TTC28: variants seen among roughly 807,000 people sequenced by gnomAD.
TTC28 encodes the protein tetratricopeptide repeat protein 28.
Under a neutral mutation model 198.0 loss-of-function variants are expected in TTC28, and 61 were observed. That is an observed-to-expected ratio of 0.31 (90% CI 0.25 to 0.38). TTC28 has a LOEUF of 0.38. Among genes scored for constraint, TTC28 ranks in the 10% least tolerant of loss-of-function variants. The pLI is 1.00. For synonymous variants in TTC28, 1,171 were observed against 1,297.8 expected (o/e 0.90, Z 2.10); for missense variants, 2,678 against 3,164.0 (o/e 0.85, Z 3.69).
intron 2 of TTC28, among the ~76,000 whole-genome samples, chr22:28,560,883 A>C (rs1021672597): frequency 3.3e-5 from 5 of 151,158 alleles, no homozygotes; most frequent in African/African-American, 1.2e-4. Context: ...CAGCCTCCCA[A>C]GTAGCTGGGA....
chr22:28,489,063 T>C (rs777463750), intron 2 of TTC28, among the ~76,000 whole-genome samples: 24 of 152,142 alleles, frequency 1.6e-4, no homozygotes, highest in Non-Finnish European at 2.9e-4. Flanking sequence ...GGGAAAGGAA[T>C]GCTTGAAGCC....
chr22:28,650,346 T>C (rs982760477), intron 1 of TTC28, among the ~76,000 whole-genome samples: 1 of 152,106 alleles, frequency 6.6e-6, no homozygotes, highest in South Asian at 2.1e-4. Context: ...TGTACAAAAA[T>C]AGAAAATAGC....
intron 2 of TTC28, among the ~76,000 whole-genome samples, chr22:28,307,098 T>C (rs2045161746): frequency 6.6e-6 from 1 of 152,166 alleles, no homozygotes; most frequent in South Asian, 2.1e-4. Context: ...CAAATGAGTG[T>C]GTGATTACTT....
At chr22:28,640,846 T>C (rs536272940) in intron 1 of TTC28, among the ~76,000 whole-genome samples, 24 of 152,278 alleles carry the variant, frequency 1.6e-4, no homozygotes, top group African/African-American at 4.8e-4. Flanking sequence ...TACTATATGA[T>C]CCAGCAATTC....
rs914539236 is a variant in TTC28 at position 27,978,597 on chromosome 22, C to T, written c.*3624G>A. ...AGGATGAGGACAGCGTGGGTGACAC[C>T]TTTGTCTCCTGCTAAAACCCAGCAA... is the stretch of plus-strand genomic sequence containing the variant. On this transcript the variant is annotated 3_prime_UTR_variant, in exon 23 of 23. Coordinates refer to ENST00000397906, the MANE Select transcript of TTC28 (RefSeq NM_001145418.2). 1 of 152,212 alleles carries T rather than the reference C, an allele frequency of 6.6e-6. No individual in the cohort carries two copies. Among genetic ancestry groups the T allele is most frequent in the African/African-American group, 2.4e-5 (1 of 41,434 alleles). 9.4% of individuals were successfully genotyped at this position (152,212 alleles called of 1,614,324 possible).
chr22:28,376,289 C>G (rs2046407806), intron 2 of TTC28, among the ~76,000 whole-genome samples: 1 of 152,068 alleles, frequency 6.6e-6, no homozygotes, highest in Non-Finnish European at 1.5e-5. Flanking sequence ...CTTTTTTGTG[C>G]CAACAATATA....
At chr22:28,135,480 G>C (rs960317394) in intron 6 of TTC28, among the ~76,000 whole-genome samples, 6 of 152,154 alleles carry the variant, frequency 3.9e-5, no homozygotes, top group Non-Finnish European at 5.9e-5. Context: ...AGTTTTAGAA[G>C]GCAAGTAAAG....
chr22:28,561,539 C>T (rs1367660476), intron 2 of TTC28, among the ~76,000 whole-genome samples: 2 of 152,194 alleles, frequency 1.3e-5, no homozygotes, highest in Non-Finnish European at 2.9e-5. Context: ...GTGTCTAGAA[C>T]AGCACTTGAC....
chr22:28,627,668 G>A (rs1030893191), intron 2 of TTC28, among the ~76,000 whole-genome samples: 8 of 152,058 alleles, frequency 5.3e-5, no homozygotes, highest in Non-Finnish European at 1.5e-5. Flanking sequence ...CTGACCTCAG[G>A]TGATCCGCCT....
intron 5 of TTC28, among the ~76,000 whole-genome samples, chr22:28,269,524 G>A (rs1931910903): frequency 6.6e-6 from 1 of 152,118 alleles, no homozygotes; most frequent in South Asian, 2.1e-4. Context: ...TACCAGTACT[G>A]ACTTCTATAA....
rs1601617554 is a variant in TTC28, at chr22:28,099,038, T to C, written c.3424A>G (p.Arg1142Gly). The part of the protein sequence containing the change: ...NLEEAQHQLY[R>G]ASALFETIRH... ...ATTGTTTCAAACAAGGCTGATGCCC[T>C]ATAAAGCTGCAAGGAGGGAGGAAGA... Residue 1142 changes from arginine (R) to glycine (G), a missense_variant, in exon 10 of 23, where the codon AGG becomes GGG. By Grantham distance (125) the Arg-to-Gly change is moderately radical. Around this residue, in one of 8 missense-constraint regions of TTC28, gnomAD observed 727 missense variants for 861.9 expected, o/e 0.84. Coordinates refer to ENST00000397906, the MANE Select transcript of TTC28 (RefSeq NM_001145418.2). The C allele has an allele frequency of 5.2e-6, 8 of 1,551,854 alleles. No homozygotes were observed. The highest frequency in any genetic ancestry group is 2.0e-5 in the Admixed American group (1 of 50,982).
At chr22:28,389,147 T>C (rs1483680245) in intron 2 of TTC28, among the ~76,000 whole-genome samples, 1 of 152,238 alleles carries the variant, frequency 6.6e-6, no homozygotes, top group African/African-American at 2.4e-5. Context: ...ATTACATTTA[T>C]TGATTTGCGT....
chr22:28,174,970 T>G (rs1248068262), intron 5 of TTC28, among the ~76,000 whole-genome samples: 1 of 151,268 alleles, frequency 6.6e-6, no homozygotes, highest in Non-Finnish European at 1.5e-5. Context: ...CATGTACCTA[T>G]AGCCAACTGA....
chr22:28,361,654 A>C (rs1266877097), intron 2 of TTC28, among the ~76,000 whole-genome samples: 1 of 152,258 alleles, frequency 6.6e-6, no homozygotes, highest in East Asian at 1.9e-4. Flanking sequence ...AGGTGGCTAC[A>C]CCAAGCAATA....
At chr22:28,495,595 A>G (rs2048443786) in intron 2 of TTC28, among the ~76,000 whole-genome samples, 1 of 151,100 alleles carries the variant, frequency 6.6e-6, no homozygotes, top group South Asian at 2.1e-4. Context: ...AAAAACAATA[A>G]AGAAACTATG....
At chr22:28,287,958 T>C (rs921358495) in intron 5 of TTC28, among the ~76,000 whole-genome samples, 1 of 152,178 alleles carries the variant, frequency 6.6e-6, no homozygotes, top group African/African-American at 2.4e-5. Context: ...ACAGCACTTT[T>C]TCAAGGAGTA....
intron 2 of TTC28, among the ~76,000 whole-genome samples, chr22:28,399,317 GTTTTT>G (rs695621): frequency 0.012 from 1,446 of 121,968 alleles, 49 homozygotes; most frequent in African/African-American, 0.042. Flanking sequence ...GACTAAAACT[GTTTTT>G]TTTTTTTTTT....
intron 2 of TTC28, among the ~76,000 whole-genome samples, chr22:28,598,730 G>A (rs868353778): frequency 1.3e-5 from 2 of 151,982 alleles, no homozygotes; most frequent in African/African-American, 4.8e-5. Flanking sequence ...TATCCATTTG[G>A]GGTATAGGAA....
intron 2 of TTC28, among the ~76,000 whole-genome samples, chr22:28,418,740 AC>A (rs911394786): frequency 2.0e-5 from 3 of 152,208 alleles, no homozygotes; most frequent in African/African-American, 2.4e-5. Flanking sequence ...AATATTGAGC[AC>A]CTATGTGCCT....
Sources: allele counts gnomAD v4.1 joint callset (sites outside exome capture counted in the v4.1 genomes callset), GRCh38; gene constraint gnomAD v4.1.1; regional missense constraint gnomAD v4.1.1; transcripts MANE v1.5; gene names NCBI Gene and HGNC (gene_info 2026-07-23, HGNC 2026-07-21).